Variants in UNC45A observed in about 807,000 individuals in gnomAD.
The protein encoded by UNC45A is protein unc-45 homolog A.
Under a neutral mutation model 103.2 loss-of-function variants are expected in UNC45A, and 78 were observed. The observed-to-expected ratio is 0.76, with a 90% CI of 0.63 to 0.91. UNC45A has a LOEUF of 0.91. Among genes scored for constraint, UNC45A ranks in the 40% least tolerant of loss-of-function variants. The probability of loss-of-function intolerance (pLI) is 0.00; values close to 1 mark genes in which losing one functional copy is unlikely to be tolerated. For synonymous variants in UNC45A, 495 were observed against 504.6 expected, an observed-to-expected ratio of 0.98 and a Z score of 0.25; for missense variants, 1,193 against 1,224.8, an observed-to-expected ratio of 0.97 and a Z score of 0.39.
rs2035992847 is a variant in UNC45A at position 90,935,926 on chromosome 15, C to CTTTCTCT, written c.214-19_214-18insTTCTCTT. ...AGAGGGAGATGACCATTCCTTCAGG[C>CTTTCTCT]TCCTGTCTTTCTCTTACAGGAAGAT... On this transcript the variant is annotated intron_variant, in intron 2 of 19. Transcript: ENST00000418476. The CTTTCTCT allele has an allele frequency of 1.2e-6, 2 of 1,613,982 alleles. No homozygotes were observed. The highest frequency in any genetic ancestry group is 2.7e-5 in the African/African-American group (2 of 74,910).
At chr15:90,936,205 T>G (rs2036009476) in intron 3 of UNC45A, 80 bp from the exon 4 acceptor site, 5 of 1,542,134 alleles carry the variant, frequency 3.2e-6, no homozygotes, top group Non-Finnish European at 4.4e-6. Context: ...CTTCTGGCCT[T>G]TCCTCGAGAT....
intron 12 of UNC45A, 172 bp from the exon 13 acceptor site, chr15:90,948,482 G>A (rs1174210048): frequency 7.8e-7 from 1 of 1,275,554 alleles, no homozygotes; most frequent in Non-Finnish European, 1.1e-6. Context: ...GGAGGAGCTG[G>A]GGAGGTCAAG....
intron 5 of UNC45A, among the ~76,000 whole-genome samples, chr15:90,940,027 C>T (rs11073960): frequency 7.9e-5 from 12 of 152,116 alleles, no homozygotes; most frequent in Admixed American, 6.5e-4. Context: ...TTGTTGGCCA[C>T]GCCCTGTGCC....
rs778424893 is a variant in UNC45A, at chr15:90,948,271, C to G, written c.1725C>G (p.Phe575Leu). Residue 575 changes from phenylalanine to leucine, a missense_variant, in exon 12 of 20, where the codon TTC (phenylalanine) becomes TTG (leucine). Coordinates refer to ENST00000418476, the MANE Select transcript of UNC45A (RefSeq NM_018671.5). ...ATGCGGCTGCTCTGAAAGCTCTGTT[C>G]CAGCTCAGCAGGGTAGCTCTGTGGT... is the stretch of plus-strand genomic sequence containing the variant. ...VEDAAALKALFQLSRLEERSV... is the reference protein window; with the variant it reads ...VEDAAALKALLQLSRLEERSV... 3.5e-5 allele frequency: 56 copies of G among 1,613,738 alleles called. No homozygotes were observed. The highest frequency in any genetic ancestry group is 1.7e-4 in the Admixed American group (10 of 60,004).
chr15:90,953,036 T>C lies in UNC45A; in HGVS notation c.2411T>C (p.Met804Thr). ...AATECMCNLA[M>T]SKEVQDLFEA... ...ACGGAGTGCATGTGTAACTTGGCCA[T>C]GAGCAAGGAGGTGAGGGTTGGTCTG... Residue 804 changes from methionine (M) to threonine (T), a missense_variant, in exon 18 of 20, where the codon ATG becomes ACG. Met to Thr is a moderately conservative substitution (Grantham distance 81, BLOSUM62 -1). Transcript: ENST00000418476. The C allele has an allele frequency of 6.2e-6, 10 of 1,613,590 alleles. No homozygotes were observed. The highest frequency in any genetic ancestry group is 8.5e-6 in the Non-Finnish European group (10 of 1,180,020).
chr15:90,951,227 G>C (rs535608953), intron 17 of UNC45A, among the ~76,000 whole-genome samples: 28 of 152,276 alleles, frequency 1.8e-4, no homozygotes, highest in African/African-American at 6.3e-4. Flanking sequence ...GGCTGGTCTA[G>C]ATCTCCTGAC....
intron 14 of UNC45A, 60 bp downstream of exon 14, chr15:90,949,503 G>A (rs1375889073): frequency 8.1e-6 from 13 of 1,605,924 alleles, no homozygotes; most frequent in Non-Finnish European, 6.8e-6. Flanking sequence ...GGCTGCAGAT[G>A]TGGCTCCAGA....
chr15:90,947,050 T>G, intron 10 of UNC45A, 136 bp downstream of exon 10: 1 of 1,033,628 alleles, frequency 9.7e-7, no homozygotes, highest in Non-Finnish European at 1.4e-6. Context: ...TTAGCTAGGC[T>G]TGGTGGTGCA....
chr15:90,939,273 G>A (rs1206831653), intron 4 of UNC45A, among the ~76,000 whole-genome samples: 17 of 152,136 alleles, frequency 1.1e-4, no homozygotes, highest in Admixed American at 9.8e-4. Flanking sequence ...GAGCCACTGC[G>A]CCCAGCTCAG....
Position 90,936,322 on chromosome 15 carries a change from C to T in UNC45A, c.288C>T (p.Tyr96=), listed in dbSNP as rs1224104920. 1 of 1,614,108 alleles carries T rather than the reference C, an allele frequency of 6.2e-7. No individual in the cohort carries two copies. The highest frequency in any genetic ancestry group is 8.5e-7 in the Non-Finnish European group (1 of 1,180,000). The change falls in exon 4 of 20, where the codon TAC becomes TAT. Residue 96 remains tyrosine, a synonymous_variant. Transcript: ENST00000418476. ...EKDGGDVKAL[Y]RRSQALEKLG... is the part of the protein sequence containing the mutation. ...ATGGTGGGGATGTCAAAGCACTCTA[C>T]CGGCGGAGCCAAGCCCTAGAGAAGC... is the stretch of plus-strand genomic sequence containing the variant.
At chr15:90,936,048 C>G in intron 3 of UNC45A, 66 bp downstream of exon 3, 1 of 1,604,130 alleles carries the variant, frequency 6.2e-7, no homozygotes, top group Non-Finnish European at 8.5e-7. Context: ...ACTCTGGGAC[C>G]GCTGCACCGT....
chr15:90,939,049 G>A (rs548468880), intron 4 of UNC45A, among the ~76,000 whole-genome samples: 1 of 148,004 alleles, frequency 6.8e-6, no homozygotes, highest in African/African-American at 2.5e-5. Flanking sequence ...GCGTGATCTC[G>A]GCTCACTGCA....
upstream of UNC45A, chr15:90,934,916 G>A (rs1195442604): frequency 2.3e-5 from 10 of 439,968 alleles, no homozygotes; most frequent in Non-Finnish European, 4.0e-5. Context: ...GTCGGGGCCG[G>A]GATCCAGATA....
At chr15:90,934,240 T>C, upstream of UNC45A, 1 of 399,322 alleles carries the variant, frequency 2.5e-6, no homozygotes, top group Non-Finnish European at 4.4e-6. Flanking sequence ...CATCTTTTCT[T>C]CTGGTAGGGG....
rs747084864 is a variant in UNC45A at position 90,953,059 on chromosome 15, C to G, written c.2421+13C>G. 22 of 1,613,392 alleles carry G rather than the reference C, an allele frequency of 1.4e-5. No homozygotes were observed. Among genetic ancestry groups the G allele is most frequent in the Non-Finnish European group, 1.9e-5 (22 of 1,180,018 alleles). ...CATGAGCAAGGAGGTGAGGGTTGGT[C>G]TGGGTGCTCATGACAGGCGGGGATG... On this transcript the variant is annotated intron_variant, in intron 18 of 19. Transcript: ENST00000418476.
upstream of UNC45A, chr15:90,931,910 T>A: frequency 6.2e-7 from 1 of 1,613,956 alleles, no homozygotes; most frequent in Non-Finnish European, 8.5e-7. Context: ...CAGGGTGGTG[T>A]CTGTGTCCTC....
rs763401260 is a variant in UNC45A at position 90,948,762 on chromosome 15, G to A, written c.1846G>A (p.Ala616Thr). The A allele has an allele frequency of 3.1e-6, 5 of 1,612,312 alleles. No homozygotes were observed. In the South Asian group the frequency reaches 5.5e-5, roughly 18 times the overall value. ...DPKMVELAKY[A>T]KQHVPEQHPK... ...CAAGATGGTGGAGCTGGCCAAGTAT[G>A]CCAAGCAGCATGTGCCCGAGCAGCA... Residue 616 changes from alanine to threonine, a missense_variant, in exon 13 of 20, where the codon GCC becomes ACC. Ala to Thr is a moderately conservative substitution (Grantham distance 58). Transcript: ENST00000418476.
intron 9 of UNC45A, 42 bp from the exon 10 acceptor site, chr15:90,946,572 A>G (rs2304939): frequency 0.14 from 210,325 of 1,540,756 alleles, 29,454 homozygotes; most frequent in African/African-American, 0.62. Context: ...GAGTCCCTTT[A>G]TGTTGGCCTT....
chr15:90,932,256 C>G (rs1046752728), upstream of UNC45A: 17 of 925,428 alleles, frequency 1.8e-5, no homozygotes, highest in Admixed American at 3.0e-5. Context: ...TGGGAGCCAA[C>G]CGACAAAGGG....
Sources: allele counts gnomAD v4.1 joint callset (sites outside exome capture counted in the v4.1 genomes callset), GRCh38; gene constraint gnomAD v4.1.1; transcripts MANE v1.5; gene names NCBI Gene and HGNC (gene_info 2026-07-23, HGNC 2026-07-21).